PDGFD: variants seen among roughly 807,000 people sequenced by gnomAD.
PDGFD encodes platelet-derived growth factor D.
In PDGFD, 30 loss-of-function variants were observed where a neutral mutation model predicts 44.7. The ratio of observed to expected loss-of-function variants is 0.67; its 90% confidence interval spans 0.50 to 0.91. The LOEUF (loss-of-function observed/expected upper bound fraction) is 0.91, where lower values mean the gene tolerates loss of function less well. Ranked by LOEUF, PDGFD falls within the 40% of genes least tolerant of loss-of-function variation. The probability of loss-of-function intolerance (pLI) is 0.00; values close to 1 mark genes in which losing one functional copy is unlikely to be tolerated. For synonymous variants in PDGFD, 173 were observed against 168.4 expected, an observed-to-expected ratio of 1.03 and a Z score of -0.21; for missense variants, 445 against 457.8, an observed-to-expected ratio of 0.97 and a Z score of 0.25.
chr11:103,953,780 A>G (rs1246970326), intron 3 of PDGFD, among the ~76,000 whole-genome samples: 1 of 152,242 alleles, frequency 6.6e-6, no homozygotes, highest in Non-Finnish European at 1.5e-5. Context: ...GGTAGGAAAT[A>G]AAAGTGTTCT....
chr11:104,037,934 G>A (rs1860280872), intron 1 of PDGFD: 1 of 1,614,012 alleles, frequency 6.2e-7, no homozygotes, highest in Non-Finnish European at 8.5e-7. Flanking sequence ...TTATGCTCTA[G>A]GATGGTAAGT....
At chr11:104,052,673 T>C (rs1185514277) in intron 1 of PDGFD, among the ~76,000 whole-genome samples, 1 of 152,146 alleles carries the variant, frequency 6.6e-6, no homozygotes, top group Non-Finnish European at 1.5e-5. Context: ...GCAGAGGTAG[T>C]TGTTTCTGTT....
chr11:104,100,336 G>A (rs573761201), intron 1 of PDGFD, among the ~76,000 whole-genome samples: 19 of 152,118 alleles, frequency 1.2e-4, no homozygotes, highest in Non-Finnish European at 2.5e-4. Flanking sequence ...CTATAAACAC[G>A]TCTACGCAAA....
intron 3 of PDGFD, among the ~76,000 whole-genome samples, chr11:103,986,967 C>A (rs533518879): frequency 1.1e-4 from 16 of 152,198 alleles, no homozygotes; most frequent in African/African-American, 2.6e-4. Flanking sequence ...CATCTGGCCT[C>A]GTGGTCCGCA....
At chr11:104,132,132 T>C (rs1220598485) in intron 1 of PDGFD, among the ~76,000 whole-genome samples, 1 of 152,054 alleles carries the variant, frequency 6.6e-6, no homozygotes, top group Non-Finnish European at 1.5e-5. Context: ...TTTTATTTAA[T>C]TGTATGAAAT....
chr11:104,096,087 G>A (rs1032332465), intron 1 of PDGFD, among the ~76,000 whole-genome samples: 6 of 152,068 alleles, frequency 3.9e-5, no homozygotes, highest in African/African-American at 1.4e-4. Flanking sequence ...TGAATCTCCT[G>A]TTATTATTAC....
At chr11:103,976,860 G>T (rs898931308) in intron 3 of PDGFD, among the ~76,000 whole-genome samples, 2 of 151,908 alleles carry the variant, frequency 1.3e-5, no homozygotes, top group African/African-American at 4.8e-5. Context: ...TTATTGATTT[G>T]AGTAAGTTGA....
chr11:104,108,851 C>A (rs964267429), intron 1 of PDGFD, among the ~76,000 whole-genome samples: 1 of 152,036 alleles, frequency 6.6e-6, no homozygotes, highest in African/African-American at 2.4e-5. Flanking sequence ...CACATATACA[C>A]CATGGAATAC....
At chr11:104,090,853 A>G (rs547853102) in intron 1 of PDGFD, among the ~76,000 whole-genome samples, 4 of 152,192 alleles carry the variant, frequency 2.6e-5, no homozygotes, top group African/African-American at 7.2e-5. Flanking sequence ...AATGTGCCAC[A>G]TTATTGATCT....
intron 1 of PDGFD, among the ~76,000 whole-genome samples, chr11:104,016,041 T>C (rs1355224423): frequency 2.6e-5 from 4 of 152,194 alleles, no homozygotes; most frequent in Non-Finnish European, 5.9e-5. Flanking sequence ...ATTTTACACA[T>C]AGGCAGAGGT....
intron 1 of PDGFD, among the ~76,000 whole-genome samples, chr11:104,151,921 T>C (rs557204347): frequency 1.1e-4 from 17 of 152,130 alleles, no homozygotes; most frequent in African/African-American, 3.6e-4. Flanking sequence ...ATCTCGAAGT[T>C]GAGAATCTTA....
intron 1 of PDGFD, among the ~76,000 whole-genome samples, chr11:104,124,251 G>A (rs920835041): frequency 1.1e-4 from 16 of 152,008 alleles, no homozygotes; most frequent in African/African-American, 3.6e-4. Flanking sequence ...GGGAGGAAAG[G>A]CTGCATATGC....
At chr11:104,012,691 C>G (rs1859801063) in intron 1 of PDGFD, among the ~76,000 whole-genome samples, 1 of 152,206 alleles carries the variant, frequency 6.6e-6, no homozygotes, top group African/African-American at 2.4e-5. Context: ...TAGCCTAAAT[C>G]TTAGTGGTTT....
chr11:103,943,769 T>C (rs1385902421), intron 4 of PDGFD, 119 bp from the exon 5 acceptor site: 7 of 749,106 alleles, frequency 9.3e-6, no homozygotes, highest in African/African-American at 1.8e-5. Context: ...ATCATACGTT[T>C]GAATGCTATG....
At chr11:104,124,109 A>C (rs1275091098) in intron 1 of PDGFD, among the ~76,000 whole-genome samples, 1 of 152,106 alleles carries the variant, frequency 6.6e-6, no homozygotes, top group African/African-American at 2.4e-5. Flanking sequence ...AACAATCAAT[A>C]ACATACAGAT....
intron 1 of PDGFD, among the ~76,000 whole-genome samples, chr11:104,144,543 ACAAAC>A (rs1862136678): frequency 1.4e-5 from 2 of 142,642 alleles, no homozygotes; most frequent in African/African-American, 2.7e-5. Flanking sequence ...ACAAAACAAA[ACAAAC>A]AAACAAAAAG....
chr11:104,062,811 A>C (rs1400634934), intron 1 of PDGFD, among the ~76,000 whole-genome samples: 1 of 152,240 alleles, frequency 6.6e-6, no homozygotes, highest in African/African-American at 2.4e-5. Context: ...ACCATTTTCC[A>C]CAACAGATAT....
At chr11:103,955,719 T>C (rs1181342874) in intron 3 of PDGFD, among the ~76,000 whole-genome samples, 1 of 152,140 alleles carries the variant, frequency 6.6e-6, no homozygotes, top group East Asian at 1.9e-4. Context: ...CCTGTGAAAT[T>C]TAATAATATA....
intron 1 of PDGFD, among the ~76,000 whole-genome samples, chr11:104,060,644 T>C (rs1442398105): frequency 6.6e-6 from 1 of 152,114 alleles, no homozygotes; most frequent in Non-Finnish European, 1.5e-5. Flanking sequence ...AGTAGCAGAG[T>C]GAAAAATGCT....
Sources: allele counts gnomAD v4.1 joint callset (sites outside exome capture counted in the v4.1 genomes callset), GRCh38; gene constraint gnomAD v4.1.1; transcripts MANE v1.5; gene names NCBI Gene and HGNC (gene_info 2026-07-23, HGNC 2026-07-21).